ATXN7L1: variants seen among roughly 807,000 people sequenced by gnomAD.
The protein encoded by ATXN7L1 is ataxin-7-like protein 1.
ATXN7L1 carries 15 observed loss-of-function variants against 70.8 expected under a neutral mutation model. The observed-to-expected ratio is 0.21, with a 90% CI of 0.14 to 0.33. The LOEUF (loss-of-function observed/expected upper bound fraction) is 0.33, where lower values mean the gene tolerates loss of function less well. Among genes scored for constraint, ATXN7L1 ranks in the 10% least tolerant of loss-of-function variants. The pLI is 1.00. For missense variants in ATXN7L1, 975 were observed against 1,097.1 expected (o/e 0.89, Z 1.57); for synonymous variants, 440 against 445.1 (o/e 0.99, Z 0.14).
At chr7:105,793,108 T>TTC (rs1303006071) in intron 2 of ATXN7L1, among the ~76,000 whole-genome samples, 1 of 152,210 alleles carries the variant, frequency 6.6e-6, no homozygotes, top group African/African-American at 2.4e-5. Flanking sequence ...GCAAAATGCT[T>TTC]CTTACGTAGA....
At chr7:105,874,105 C>CA (rs1432816616) in intron 2 of ATXN7L1, among the ~76,000 whole-genome samples, 1 of 125,888 alleles carries the variant, frequency 7.9e-6, no homozygotes, top group Non-Finnish European at 1.6e-5. Context: ...AGCCTGGCGA[C>CA]AGAGTGAGAA....
In ATXN7L1 at chr7:105,875,880, T is replaced by A; in HGVS notation, c.182A>T (p.Asn61Ile). 1 of 1,608,688 alleles carries A rather than the reference T, an allele frequency of 6.2e-7. No homozygotes were observed. The stretch of plus-strand genomic sequence containing the variant: ...TTTTCCAGCCTCTTCTAAATCTACA[T>A]CTGCAGATGAAAAAGAAAAGGAAAA... ...IDAAKLHCSD[N>I]VDLEEAGKEG... The change falls in exon 2 of 12, where the codon AAT becomes ATT. Residue 61 changes from asparagine to isoleucine, a missense_variant and splice_region_variant. Transcript: ENST00000419735.
intron 1 of ATXN7L1, 96 bp downstream of exon 1, chr7:105,876,282 A>C (rs1048986921): frequency 1.4e-6 from 2 of 1,386,662 alleles, no homozygotes; most frequent in South Asian, 3.0e-5. Flanking sequence ...ACCGGGGGCC[A>C]CTCTCTCTCT....
intron 2 of ATXN7L1, among the ~76,000 whole-genome samples, chr7:105,868,060 GTCTATAT>G (rs1467362353): frequency 6.6e-6 from 1 of 152,206 alleles, no homozygotes; most frequent in Middle Eastern, 3.2e-3. Flanking sequence ...GTTCAGAACA[GTCTATAT>G]TCTCTGGCAC....
In ATXN7L1 at chr7:105,655,798, C is replaced by T. The variant is rs373145350; in HGVS notation, c.578+9268G>A. On this transcript the variant is annotated intron_variant, in intron 4 of 11. Coordinates refer to ENST00000419735, the MANE Select transcript of ATXN7L1 (RefSeq NM_020725.2). ...TACACTCCCTCAGCCCCAGTTGCTC[C>T]GGGAAGACCCGCCTGGTAATTCCAA... is the stretch of plus-strand genomic sequence containing the variant. 1.2e-4 allele frequency among the ~76,000 whole-genome samples: 19 copies of T among 152,282 alleles called. No individual in the cohort carries two copies. The East Asian group carries it at 2.3e-3, about 19-fold the overall frequency.
chr7:105,811,127 G>T (rs991838457), intron 2 of ATXN7L1, among the ~76,000 whole-genome samples: 1 of 152,228 alleles, frequency 6.6e-6, no homozygotes, highest in South Asian at 2.1e-4. Context: ...CGTCTCTGCA[G>T]AAGTGATCAA....
At chr7:105,627,423 C>G (rs559061474) in intron 7 of ATXN7L1, among the ~76,000 whole-genome samples, 2 of 152,042 alleles carry the variant, frequency 1.3e-5, no homozygotes, top group South Asian at 4.2e-4. Context: ...TTTATAGAGA[C>G]AGGGTCTTGC....
At chr7:105,730,273 G>A (rs1469880468) in intron 3 of ATXN7L1, among the ~76,000 whole-genome samples, 6 of 152,150 alleles carry the variant, frequency 3.9e-5, no homozygotes, top group Admixed American at 3.9e-4. Context: ...CTTTACCTCT[G>A]TGGTCTTTAC....
chr7:105,672,868 C>T (rs750193967), intron 3 of ATXN7L1, among the ~76,000 whole-genome samples: 5 of 152,218 alleles, frequency 3.3e-5, no homozygotes, highest in African/African-American at 9.7e-5. Context: ...AGACCTCAAT[C>T]ACAAAGAGTT....
At chr7:105,702,269 G>A (rs947500240) in intron 3 of ATXN7L1, among the ~76,000 whole-genome samples, 1 of 152,144 alleles carries the variant, frequency 6.6e-6, no homozygotes, top group Non-Finnish European at 1.5e-5. Context: ...TCTAAGGTGG[G>A]GCAACTTGCC....
intron 3 of ATXN7L1, among the ~76,000 whole-genome samples, chr7:105,741,673 T>C (rs1003163736): frequency 1.3e-5 from 2 of 152,200 alleles, no homozygotes; most frequent in African/African-American, 4.8e-5. Flanking sequence ...GTTGAAGTCC[T>C]AAACACTAGC....
chr7:105,720,743 T>G (rs1795094983), intron 3 of ATXN7L1, among the ~76,000 whole-genome samples: 1 of 152,138 alleles, frequency 6.6e-6, no homozygotes, highest in East Asian at 1.9e-4. Flanking sequence ...ATGCTGGGAT[T>G]ACAGGCATGA....
chr7:105,818,590 G>A (rs193002071), intron 2 of ATXN7L1, among the ~76,000 whole-genome samples: 94 of 152,284 alleles, frequency 6.2e-4, no homozygotes, highest in African/African-American at 2.2e-3. Flanking sequence ...CCCTAACACA[G>A]CTTTGTTTAA....
Position 105,763,806 on chromosome 7 carries a change from C to A in ATXN7L1, c.355+24798G>T, listed in dbSNP as rs80282009. On this transcript the variant is annotated intron_variant, in intron 3 of 11. Coordinates refer to ENST00000419735, the MANE Select transcript of ATXN7L1 (RefSeq NM_020725.2). ...GAGGTGGCAATCTGATAGTCACTTC[C>A]TTCATAATTATACATGGGGCAAAAT... 3.2e-4 allele frequency among the ~76,000 whole-genome samples: 49 copies of A among 152,082 alleles called. No individual in the cohort carries two copies. In the East Asian group the frequency reaches 8.5e-3, roughly 26 times the overall value.
intron 3 of ATXN7L1, among the ~76,000 whole-genome samples, chr7:105,727,765 T>TATATATATATATATA (rs1285150352): frequency 5.4e-5 from 5 of 92,624 alleles, no homozygotes; most frequent in Admixed American, 1.3e-4. Flanking sequence ...TATATATATA[T>TATATATATATATATA]ATATATATAT....
At position 105,733,534 on chromosome 7, in the gene ATXN7L1, C is replaced by T. The variant is rs199716837; in HGVS notation, c.355+55070G>A. Among the ~76,000 whole-genome samples the T allele has an allele frequency of 1.6e-4, 22 of 136,304 alleles. No homozygotes were observed. In the East Asian group the frequency reaches 2.1e-3, roughly 13 times the overall value. The allele number at this position is 136,304 out of a possible 152,430, so 89.4% of individuals were successfully genotyped here. A position where few individuals can be genotyped will look rare whatever the true frequency, so the allele number is the denominator to read the frequency against. ...TCCATCCACCCATCCATCCATCCAT[C>T]CATCCACCCATCCATCCATCCACCC... On this transcript the variant is annotated intron_variant, in intron 3 of 11. Coordinates refer to ENST00000419735, the MANE Select transcript of ATXN7L1 (RefSeq NM_020725.2).
At chr7:105,853,997 A>ATAT (rs1815304713) in intron 2 of ATXN7L1, among the ~76,000 whole-genome samples, 1 of 152,098 alleles carries the variant, frequency 6.6e-6, no homozygotes, top group Non-Finnish European at 1.5e-5. Context: ...CGGCGGTCTA[A>ATAT]GCACCGACTG....
intron 10 of ATXN7L1, chr7:105,613,443 A>C: frequency 2.0e-6 from 2 of 1,008,628 alleles, no homozygotes; most frequent in Non-Finnish European, 2.4e-6. Context: ...AGCTCTTCCT[A>C]AGGGGGTTCC....
intron 3 of ATXN7L1, among the ~76,000 whole-genome samples, chr7:105,753,894 T>A (rs960837742): frequency 6.6e-6 from 1 of 152,164 alleles, no homozygotes; most frequent in African/African-American, 2.4e-5. Flanking sequence ...TCTGTCTGCA[T>A]TAGTGCCTGG....
Sources: allele counts gnomAD v4.1 joint callset (sites outside exome capture counted in the v4.1 genomes callset), GRCh38; gene constraint gnomAD v4.1.1; transcripts MANE v1.5; gene names NCBI Gene and HGNC (gene_info 2026-07-23, HGNC 2026-07-21).